Variants in STARD3 observed in about 807,000 individuals in gnomAD.
STARD3 encodes StAR related lipid transfer domain containing 3.
STARD3 carries 39 observed loss-of-function variants against 62.0 expected under a neutral mutation model. The ratio of observed to expected loss-of-function variants is 0.63; its 90% CI spans 0.49 to 0.82. The LOEUF is 0.82. STARD3 is among the 40% of genes least tolerant of loss of function. The pLI is 0.00. For missense variants in STARD3, 543 were observed against 584.5 expected (o/e 0.93, Z 0.73); for synonymous variants, 229 against 242.4 (o/e 0.94, Z 0.51).
rs1309593304 is a variant in STARD3, at chr17:39,660,884, C to T, written c.1029C>T (p.Ser343=). Residue 343 remains serine (S), a synonymous_variant, in exon 12 of 15, where the codon TCC becomes TCT. Transcript: ENST00000336308. The surrounding 1 kb of genome is among the most constrained non-coding windows in gnomAD (Gnocchi z 4.8). The part of the protein sequence containing the change: ...VSAGAAGGVV[S]PRDFVNVRRI... The stretch of plus-strand genomic sequence containing the variant: ...CAGGGGCTGCGGGCGGCGTGGTCTC[C>T]CCAAGGTGAGTCCATGCCGGGCCCC... 6.2e-7 allele frequency: 1 copy of T among 1,604,582 alleles called. No individual in the cohort carries two copies. Among genetic ancestry groups the T allele is most frequent in the Non-Finnish European group, 8.5e-7 (1 of 1,173,536 alleles).
intron 1 of STARD3, among the ~76,000 whole-genome samples, chr17:39,648,156 G>C (rs750965572): frequency 6.6e-6 from 1 of 151,956 alleles, no homozygotes; most frequent in Non-Finnish European, 1.5e-5. Context: ...GTGGTGGTGG[G>C]CGCCTGTAGT....
chr17:39,645,838 A>T (rs550272321), intron 1 of STARD3, among the ~76,000 whole-genome samples: 4 of 139,854 alleles, frequency 2.9e-5, no homozygotes, highest in Non-Finnish European at 6.0e-5. Context: ...CTCCCTCCTG[A>T]CACCTACCTC....
chr17:39,659,623 A>G, intron 9 of STARD3, 70 bp downstream of exon 9: 1 of 1,522,474 alleles, frequency 6.6e-7, no homozygotes, highest in Non-Finnish European at 9.1e-7. Flanking sequence ...CTGAGGCCTG[A>G]GGAAGAAACC....
intron 8 of STARD3, 96 bp downstream of exon 8, chr17:39,659,202 T>C (rs2057167002): frequency 2.7e-6 from 4 of 1,503,536 alleles, no homozygotes; most frequent in Non-Finnish European, 3.7e-6. Context: ...GGTTTCCCAG[T>C]AGAGGCTGAA....
chr17:39,647,183 G>A (rs1240018244), intron 1 of STARD3, among the ~76,000 whole-genome samples: 1 of 151,096 alleles, frequency 6.6e-6, no homozygotes, highest in East Asian at 1.9e-4. Flanking sequence ...TGGTGACAGA[G>A]CGAGACTCTG....
At chr17:39,641,981 G>A (rs532285378) in intron 1 of STARD3, among the ~76,000 whole-genome samples, 3 of 152,376 alleles carry the variant, frequency 2.0e-5, no homozygotes, top group African/African-American at 4.8e-5. Context: ...CTGACCCAGA[G>A]TTCTGAAAGG....
rs533425866 is a variant in STARD3, at chr17:39,664,029, A to T, written c.*1121A>T. Among the ~76,000 whole-genome samples, 1 of 152,268 alleles carries T rather than the reference A, an allele frequency of 6.6e-6. No homozygotes were observed. Among genetic ancestry groups the T allele is most frequent in the South Asian group, 2.1e-4 (1 of 4,822 alleles). ...CTGGCCTGCCCCCTTGCCTGCCTGCATGCAGGCTTCCAGCAGAGCCAGCTT... is the reference window on the plus strand; with the variant it reads ...CTGGCCTGCCCCCTTGCCTGCCTGCTTGCAGGCTTCCAGCAGAGCCAGCTT... On this transcript the variant is annotated 3_prime_UTR_variant, in exon 15 of 15. Coordinates refer to ENST00000336308, the MANE Select transcript of STARD3 (RefSeq NM_006804.4).
At chr17:39,638,659 A>C (rs777753101) in intron 1 of STARD3, among the ~76,000 whole-genome samples, 2 of 152,188 alleles carry the variant, frequency 1.3e-5, no homozygotes, top group African/African-American at 2.4e-5. Context: ...AGTAGCTGAG[A>C]ATACAGACTC....
chr17:39,654,742 C>T (rs2057111318), intron 2 of STARD3, among the ~76,000 whole-genome samples: 1 of 152,256 alleles, frequency 6.6e-6, no homozygotes, highest in Non-Finnish European at 1.5e-5. Flanking sequence ...GCAGCATGGG[C>T]TCCCCATCAG....
chr17:39,662,373 T>A, intron 14 of STARD3, 29 bp downstream of exon 14: 2 of 1,604,526 alleles, frequency 1.2e-6, no homozygotes, highest in Non-Finnish European at 1.7e-6. Context: ...GCCAGGTGGG[T>A]TCTGTGGAGT....
intron 2 of STARD3, among the ~76,000 whole-genome samples, chr17:39,655,118 C>T (rs1405736910): frequency 6.6e-6 from 1 of 152,246 alleles, no homozygotes; most frequent in Non-Finnish European, 1.5e-5. Flanking sequence ...CTAAAACTTA[C>T]CTGCATCCTT....
At chr17:39,646,606 C>G (rs1177192364) in intron 1 of STARD3, among the ~76,000 whole-genome samples, 1 of 152,168 alleles carries the variant, frequency 6.6e-6, no homozygotes. Context: ...AAGGGTTATG[C>G]TTTGCCCCAG....
At chr17:39,659,180 G>A (rs1023450983) in intron 8 of STARD3, 74 bp downstream of exon 8, 35 of 1,570,452 alleles carry the variant, frequency 2.2e-5, no homozygotes, top group Non-Finnish European at 2.9e-5. Context: ...GGGGTCAGCC[G>A]GGGTGGGCAG....
At chr17:39,661,852 C>T (rs1597801788) in intron 13 of STARD3, among the ~76,000 whole-genome samples, 1 of 152,346 alleles carries the variant, frequency 6.6e-6, no homozygotes, top group South Asian at 2.1e-4. Flanking sequence ...CCGTGCCTCC[C>T]AGGCTTAGCC....
chr17:39,653,406 C>A, intron 1 of STARD3, 75 bp from the exon 2 acceptor site: 1 of 991,472 alleles, frequency 1.0e-6, no homozygotes. Flanking sequence ...CGTTTGGGAG[C>A]CAGTGGTGGC....
Position 39,660,225 on chromosome 17 carries a change from C to G in STARD3, c.810C>G (p.Thr270=). 1 of 1,614,086 alleles carries G rather than the reference C, an allele frequency of 6.2e-7. No homozygotes were observed. The highest frequency in any genetic ancestry group is 8.5e-7 in the Non-Finnish European group (1 of 1,180,022). The change falls in exon 10 of 15, where the codon ACC becomes ACG. Residue 270 remains threonine, a synonymous_variant. Coordinates refer to ENST00000336308, the MANE Select transcript of STARD3 (RefSeq NM_006804.4). This position sits in a 1 kb window ranked among gnomAD's most constrained non-coding sequence, Gnocchi z 4.8. ...KFEKNNEYGD[T]VYTIEVPFHG... Reference sequence around the variant, plus strand: ...CCCTGCCATAGGAATATGGGGACACCGTGTACACCATTGAAGTTCCCTTTC... The same window carrying G: ...CCCTGCCATAGGAATATGGGGACACGGTGTACACCATTGAAGTTCCCTTTC...
At chr17:39,646,949 C>T (rs958714585) in intron 1 of STARD3, among the ~76,000 whole-genome samples, 3 of 152,132 alleles carry the variant, frequency 2.0e-5, no homozygotes, top group East Asian at 1.9e-4. Context: ...CGCCTATAAT[C>T]CCAGCACTTT....
At chr17:39,658,119 C>A in intron 5 of STARD3, 93 bp downstream of exon 5, 1 of 1,384,974 alleles carries the variant, frequency 7.2e-7, no homozygotes, top group Non-Finnish European at 1.0e-6. Flanking sequence ...GGGTGTCTGT[C>A]CCTGTTGTCC....
chr17:39,646,564 G>A (rs1372482454), intron 1 of STARD3, among the ~76,000 whole-genome samples: 1 of 152,150 alleles, frequency 6.6e-6, no homozygotes, highest in Non-Finnish European at 1.5e-5. Flanking sequence ...ATTGTTGCCT[G>A]TTTTAATGCA....
Sources: allele counts gnomAD v4.1 joint callset (sites outside exome capture counted in the v4.1 genomes callset), GRCh38; gene constraint gnomAD v4.1.1; non-coding constraint Gnocchi (gnomAD v3.1); transcripts MANE v1.5; gene names NCBI Gene and HGNC (gene_info 2026-07-23, HGNC 2026-07-21).